UMODL1: variants seen among roughly 807,000 people sequenced by gnomAD.
UMODL1 encodes uromodulin like 1, also known as uromodulin-like 1.
Under a neutral mutation model 136.3 loss-of-function variants are expected in UMODL1, and 128 were observed. The ratio of observed to expected loss-of-function variants is 0.94; its 90% CI spans 0.81 to 1.09. The LOEUF is 1.09. UMODL1 is among the 50% of genes least tolerant of loss of function. UMODL1 has a pLI of 0.00. For synonymous variants in UMODL1, 721 were observed against 720.0 expected (o/e 1.00, Z -0.02); for missense variants, 1,766 against 1,725.6 (o/e 1.02, Z -0.41).
chr21:42,123,219 G>A lies in UMODL1; in HGVS notation c.3147+69G>A, dbSNP rs192778482. 8.6e-5 allele frequency: 129 copies of A among 1,503,372 alleles called. No individual in the cohort carries two copies. The highest frequency in any genetic ancestry group is 5.4e-4 in the Middle Eastern group (3 of 5,596). 93.1% of individuals were successfully genotyped at this position (1,503,372 alleles called of 1,614,324 possible). A position where few individuals can be genotyped will look rare whatever the true frequency, so the allele number is the denominator to read the frequency against. ...AGGGGCTCTAGGTTACATGGGCCTC[G>A]ATGTGGGAGGGCCAGGCAAGACTCT... On this transcript the variant is annotated intron_variant, in intron 17 of 22. Coordinates refer to ENST00000408910, the MANE Select transcript of UMODL1 (RefSeq NM_001004416.3). The surrounding 1 kb of genome is among the most constrained non-coding windows in gnomAD (Gnocchi z 4.4).
intron 13 of UMODL1, 87 bp from the exon 14 acceptor site, chr21:42,115,786 C>A: frequency 9.0e-7 from 1 of 1,105,058 alleles, no homozygotes; most frequent in Non-Finnish European, 1.3e-6. Context: ...TCTTCCTGGA[C>A]ATGAAAATAC....
chr21:42,102,353 C>A, intron 8 of UMODL1, 75 bp downstream of exon 8: 1 of 1,122,766 alleles, frequency 8.9e-7, no homozygotes. Flanking sequence ...CCGTTAATTC[C>A]TGCCCAGCTC....
chr21:42,133,504 C>G (rs140648025), intron 21 of UMODL1, among the ~76,000 whole-genome samples: 4 of 152,214 alleles, frequency 2.6e-5, no homozygotes, highest in Non-Finnish European at 4.4e-5. Flanking sequence ...ATCACACTCA[C>G]GATGTCTTGG....
At chr21:42,139,849 C>G (rs2067255698) in intron 22 of UMODL1, among the ~76,000 whole-genome samples, 1 of 152,180 alleles carries the variant, frequency 6.6e-6, no homozygotes, top group Non-Finnish European at 1.5e-5. Context: ...ATGTTAGTTA[C>G]CAGGAGTCCT....
Position 42,074,505 on chromosome 21 carries a change from G to A in UMODL1, c.77-1500G>A, listed in dbSNP as rs547865298. Among the ~76,000 whole-genome samples the A allele has an allele frequency of 3.9e-5, 6 of 152,300 alleles. No homozygotes were observed. In the South Asian group the frequency reaches 1.2e-3, roughly 32 times the overall value. On this transcript the variant is annotated intron_variant, in intron 1 of 22. Coordinates refer to ENST00000408910, the MANE Select transcript of UMODL1 (RefSeq NM_001004416.3). Reference sequence around the variant, plus strand: ...GGGAGATGGGAAGCCCAGGCACCACGTCAGGGGATGTCCATGACCAAAGAG... The same window carrying A: ...GGGAGATGGGAAGCCCAGGCACCACATCAGGGGATGTCCATGACCAAAGAG...
Position 42,099,222 on chromosome 21 carries a change from G to T in UMODL1, c.1186+42G>T. The T allele has an allele frequency of 4.4e-6, 7 of 1,597,604 alleles. No individual in the cohort carries two copies. The highest frequency in any genetic ancestry group is 1.3e-5 in the African/African-American group (1 of 74,618). On this transcript the variant is annotated intron_variant, in intron 7 of 22. Coordinates refer to ENST00000408910, the MANE Select transcript of UMODL1 (RefSeq NM_001004416.3). This position sits in a 1 kb window ranked among gnomAD's most constrained non-coding sequence, Gnocchi z 4.1. Reference sequence around the variant, plus strand: ...GAGACCCACGTTAGCTTGCGAGCTTGTCTTTCTATCCCAGGTCTGTGGCCC... The same window carrying T: ...GAGACCCACGTTAGCTTGCGAGCTTTTCTTTCTATCCCAGGTCTGTGGCCC...
At chr21:42,072,009 CT>C (rs1171815715) in intron 1 of UMODL1, among the ~76,000 whole-genome samples, 6 of 151,944 alleles carry the variant, frequency 3.9e-5, no homozygotes, top group African/African-American at 1.5e-4. Context: ...GATTGCTCCA[CT>C]GCACTGCAGC....
intron 7 of UMODL1, among the ~76,000 whole-genome samples, chr21:42,100,068 G>C (rs2066608101): frequency 6.6e-6 from 1 of 152,134 alleles, no homozygotes; most frequent in Non-Finnish European, 1.5e-5. Flanking sequence ...CACTTGCCTG[G>C]TGCCCGTGGT....
At position 42,099,155 on chromosome 21, in the gene UMODL1, C is replaced by A; in HGVS notation, c.1161C>A (p.Val387=). Reference sequence around the variant, plus strand: ...GCTACCAGGGGTGCGGGGCCGACGTCTCCACCACGCTGACCATCAAAACCA... The same window carrying A: ...GCTACCAGGGGTGCGGGGCCGACGTATCCACCACGCTGACCATCAAAACCA... ...KTSYQGCGAD[V]STTLTIKTNA... Residue 387 remains valine (V), a synonymous_variant, in exon 7 of 23, where the codon GTC becomes GTA. Transcript: ENST00000408910. The surrounding 1 kb of genome is among the most constrained non-coding windows in gnomAD (Gnocchi z 4.1). 1 of 1,612,916 alleles carries A rather than the reference C, an allele frequency of 6.2e-7. No individual in the cohort carries two copies. The highest frequency in any genetic ancestry group is 1.3e-5 in the African/African-American group (1 of 75,006).
intron 13 of UMODL1, among the ~76,000 whole-genome samples, chr21:42,114,090 G>C (rs958658847): frequency 1.3e-5 from 2 of 152,248 alleles, no homozygotes; most frequent in Non-Finnish European, 2.9e-5. Flanking sequence ...GGAAGGCTGC[G>C]GGTGCGGCTC....
intron 1 of UMODL1, among the ~76,000 whole-genome samples, chr21:42,075,478 T>C (rs1461536710): frequency 6.6e-6 from 1 of 152,208 alleles, no homozygotes; most frequent in Non-Finnish European, 1.5e-5. Context: ...AAAGCCGTCA[T>C]TGTCATGTCC....
Position 42,088,485 on chromosome 21 carries a change from G to T in UMODL1, c.790+5G>T. ...TGATCAGCGTCCAGGTGCAAGGTTG[G>T]GCTTCCCTCAATCCTCCCTCTGGGG... On this transcript the variant is annotated splice_donor_5th_base_variant and intron_variant, in intron 5 of 22. Coordinates refer to ENST00000408910, the MANE Select transcript of UMODL1 (RefSeq NM_001004416.3). The T allele has an allele frequency of 6.3e-7, 1 of 1,590,826 alleles. No individual in the cohort carries two copies. The highest frequency in any genetic ancestry group is 2.3e-5 in the East Asian group (1 of 44,196).
chr21:42,102,064 TA>T (rs1200864848), intron 7 of UMODL1, 101 bp from the exon 8 acceptor site: 108 of 808,966 alleles, frequency 1.3e-4, no homozygotes, highest in South Asian at 3.0e-4. Context: ...CTCAATCTAT[TA>T]AAAAAAATTA....
At chr21:42,090,464 C>T in intron 6 of UMODL1, 26 bp downstream of exon 6, 1 of 1,611,868 alleles carries the variant, frequency 6.2e-7, no homozygotes, top group South Asian at 1.1e-5. Flanking sequence ...TCTCAGATGG[C>T]ATGGGAATGG....
In UMODL1 at chr21:42,122,884, A is replaced by G; in HGVS notation, c.2881A>G (p.Thr961Ala). The G allele has an allele frequency of 1.9e-6, 3 of 1,613,518 alleles. No individual in the cohort carries two copies. Among genetic ancestry groups the G allele is most frequent in the Non-Finnish European group, 2.5e-6 (3 of 1,179,698 alleles). The change falls in exon 17 of 23, where the codon ACA becomes GCA. Residue 961 changes from threonine (T) to alanine (A), a missense_variant. Transcript: ENST00000408910. This position sits in a 1 kb window ranked among gnomAD's most constrained non-coding sequence, Gnocchi z 4.3. ...CACCAGCCCAGAGAGGCCTCTCACC[A>G]CAGCAGGGACCAAGGCTGCCTTTGT... ...WATSPERPLT[T>A]AGTKAAFVQG...
chr21:42,090,159 A>G lies in UMODL1; in HGVS notation c.791-139A>G. On this transcript the variant is annotated intron_variant, in intron 5 of 22. Transcript: ENST00000408910. The stretch of plus-strand genomic sequence containing the variant: ...CGAGACTTCCATAGTCTCCCTTGGG[A>G]TCACTGCCCAAGGCACCCCTCAACC... The G allele has an allele frequency of 1.3e-5, 15 of 1,125,938 alleles. No homozygotes were observed. The South Asian group carries it at 2.3e-4, about 17-fold the overall frequency. 69.7% of individuals were successfully genotyped at this position (1,125,938 alleles called of 1,614,324 possible). A position where few individuals can be genotyped will look rare whatever the true frequency, so the allele number is the denominator to read the frequency against.
chr21:42,076,647 C>G (rs1370074540), intron 2 of UMODL1, among the ~76,000 whole-genome samples: 1 of 152,158 alleles, frequency 6.6e-6, no homozygotes, highest in African/African-American at 2.4e-5. Context: ...TTCAAAGCTC[C>G]CAGAGTGATT....
chr21:42,125,379 G>A (rs13051533), intron 17 of UMODL1, among the ~76,000 whole-genome samples: 68,240 of 151,916 alleles, frequency 0.45, 16,628 homozygotes, highest in Non-Finnish European at 0.55. Context: ...TCACGTGGAC[G>A]CGTCGGAGGC....
intron 2 of UMODL1, among the ~76,000 whole-genome samples, chr21:42,082,149 C>G (rs1337433093): frequency 6.6e-6 from 1 of 152,238 alleles, no homozygotes; most frequent in East Asian, 1.9e-4. Flanking sequence ...GATGCAGGCT[C>G]TCTGCATATT....
Sources: gnomAD v4.1 joint callset for allele counts (sites outside exome capture counted in the v4.1 genomes callset) on GRCh38, gnomAD v4.1.1 for gene constraint, Gnocchi (gnomAD v3.1) non-coding constraint, MANE v1.5 for transcripts, NCBI Gene and HGNC (gene_info 2026-07-23, HGNC 2026-07-21) for gene names.